The following SIDT2 variants were observed in gnomAD, a reference collection of about 807,000 sequenced individuals.
SIDT2 encodes the protein SID1 transmembrane family member 2.
SIDT2 carries 68 observed loss-of-function variants against 114.4 expected under a neutral mutation model. The ratio of observed to expected loss-of-function variants is 0.59; its 90% CI spans 0.49 to 0.73. The LOEUF is 0.73. Among genes scored for constraint, SIDT2 ranks in the 30% least tolerant of loss-of-function variants. The pLI, the probability that SIDT2 is intolerant of heterozygous loss-of-function variation, is 0.00. For synonymous variants in SIDT2, 470 were observed against 438.4 expected (o/e 1.07, Z -0.90); for missense variants, 918 against 1,097.1 (o/e 0.84, Z 2.31).
Position 117,179,345 on chromosome 11 carries a change from G to A in SIDT2, c.82G>A (p.Val28Ile). ...TCTGGGGGTTCTGGGGCCCAAGAAC[G>A]TCTCGCAGAAAGACGCCGAGTTTGA... ...SHLGVLGPKNVSQKDAEFERT... is the reference protein window; with the variant it reads ...SHLGVLGPKNISQKDAEFERT... Residue 28 changes from valine (V) to isoleucine (I), a missense_variant, in exon 1 of 26, where the codon GTC (valine) becomes ATC (isoleucine). This residue lies in a region of SIDT2 where 553 missense variants were observed against 600.1 expected (regional missense o/e 0.92). Transcript: ENST00000324225. The A allele has an allele frequency of 1.2e-6, 2 of 1,614,190 alleles. No homozygotes were observed. The highest frequency in any genetic ancestry group is 1.3e-5 in the African/African-American group (1 of 75,058).
rs1565288746 is a variant in SIDT2, at chr11:117,192,286, C to CGT, written c.1906_1907dup (p.Phe637SerfsTer101). ...GCAAAGGGAACACGGCGTTCTGGAT[C>CGT]GTCTTCTCCATCATTCACATCATCG... On this transcript the variant is annotated frameshift_variant, in exon 20 of 26. Coordinates refer to ENST00000324225, the MANE Select transcript of SIDT2 (RefSeq NM_001040455.2). LOFTEE classifies it high-confidence loss of function. This position sits in a 1 kb window ranked among gnomAD's most constrained non-coding sequence, Gnocchi z 5.9. 1 of 1,611,550 alleles carries CGT rather than the reference C, an allele frequency of 6.2e-7. No individual in the cohort carries two copies. The highest frequency in any genetic ancestry group is 1.1e-5 in the South Asian group (1 of 91,024).
chr11:117,192,079 T>A lies in SIDT2; in HGVS notation c.1872+65T>A. On this transcript the variant is annotated intron_variant, in intron 19 of 25. Coordinates refer to ENST00000324225, the MANE Select transcript of SIDT2 (RefSeq NM_001040455.2). This position sits in a 1 kb window ranked among gnomAD's most constrained non-coding sequence, Gnocchi z 5.9. ...AAAGGTGCACGTGCGTTCAGACACG[T>A]AGTGCACACCCTCCGCCACCTCCTG... The A allele has an allele frequency of 6.2e-7, 1 of 1,603,686 alleles. No homozygotes were observed. Among genetic ancestry groups the A allele is most frequent in the Non-Finnish European group, 8.5e-7 (1 of 1,173,008 alleles).
intron 18 of SIDT2, 34 bp from the exon 19 acceptor site, chr11:117,191,844 T>C: frequency 6.2e-7 from 1 of 1,607,648 alleles, no homozygotes; most frequent in South Asian, 1.1e-5. Flanking sequence ...TTGGTGGCCA[T>C]TTCTGCAGCT....
chr11:117,182,665 T>C, intron 5 of SIDT2, 45 bp downstream of exon 5: 1 of 1,614,098 alleles, frequency 6.2e-7, no homozygotes, highest in Non-Finnish European at 8.5e-7. Flanking sequence ...GCAGCAGGGC[T>C]GCTAAAGAGA....
At chr11:117,187,300 G>T in intron 10 of SIDT2, 78 bp from the exon 11 acceptor site, 1 of 1,405,518 alleles carries the variant, frequency 7.1e-7, no homozygotes, top group South Asian at 1.2e-5. Context: ...GTCTTCTCTG[G>T]ACCTTTCTTT....
chr11:117,179,390 GT>G lies in SIDT2; in HGVS notation c.128del (p.Val43AlafsTer15), dbSNP rs1486313374. 6.2e-7 allele frequency: 1 copy of G among 1,613,816 alleles called. No individual in the cohort carries two copies. Among genetic ancestry groups the G allele is most frequent in the Non-Finnish European group, 8.5e-7 (1 of 1,179,996 alleles). ...GTTTGAGCGCACCTACGTGGACGAG[GT>G]CAACAGCGAGCTGGTCAACATCTAC... ...AEFERTYVDE[V>X]NSELVNIYTF... On this transcript the variant is annotated frameshift_variant, in exon 1 of 26. Transcript: ENST00000324225. LOFTEE classifies it high-confidence loss of function.
At chr11:117,186,992 T>A (rs1453749442) in intron 10 of SIDT2, 1 of 1,453,532 alleles carries the variant, frequency 6.9e-7, no homozygotes, top group South Asian at 1.2e-5. Context: ...TCTCTTAGCT[T>A]CTCTCCTTGG....
Position 117,193,942 on chromosome 11 carries a change from C to T in SIDT2, c.2301C>T (p.Phe767=). Residue 767 remains phenylalanine (F), a synonymous_variant, in exon 24 of 26, where the codon TTC becomes TTT. Coordinates refer to ENST00000324225, the MANE Select transcript of SIDT2 (RefSeq NM_001040455.2). ...VVWGFALFFF[F]QGLSTWQKTP... is the part of the protein sequence containing the mutation. ...GGGGCTTCGCGCTCTTCTTCTTCTTCCAGGGACTCAGCACCTGGCAGGTGA... is the reference window on the plus strand; with the variant it reads ...GGGGCTTCGCGCTCTTCTTCTTCTTTCAGGGACTCAGCACCTGGCAGGTGA... The T allele has an allele frequency of 6.2e-7, 1 of 1,613,892 alleles. No individual in the cohort carries two copies. The highest frequency in any genetic ancestry group is 1.1e-5 in the South Asian group (1 of 91,082).
Position 117,188,575 on chromosome 11 carries a change from C to A in SIDT2, c.1160-133C>A. 1 of 686,408 alleles carries A rather than the reference C, an allele frequency of 1.5e-6. No individual in the cohort carries two copies. The highest frequency in any genetic ancestry group is 2.6e-6 in the Non-Finnish European group (1 of 379,740). 42.5% of individuals were successfully genotyped at this position (686,408 alleles called of 1,614,324 possible). ...CCCAGCTCCTGAGCCCACTTCCACC[C>A]CAACTCTGAGGCCCAGCCCACAATT... On this transcript the variant is annotated intron_variant, in intron 12 of 25. Coordinates refer to ENST00000324225, the MANE Select transcript of SIDT2 (RefSeq NM_001040455.2). This position sits in a 1 kb window ranked among gnomAD's most constrained non-coding sequence, Gnocchi z 4.0.
chr11:117,191,526 G>C (rs888422055), intron 18 of SIDT2: 4 of 230,980 alleles, frequency 1.7e-5, no homozygotes, highest in Non-Finnish European at 3.4e-5. Flanking sequence ...GGAGGTTGCA[G>C]TGAGCCGAGA....
Position 117,183,838 on chromosome 11 carries a change from A to G in SIDT2, c.762A>G (p.Gln254=). ...TGGTGGTGGTGAAGACCGAAGACCA[A>G]GCCTGCGGGGGCTCCCTGCCTTTCT... ...YVVVVVKTED[Q]ACGGSLPFYP... The change falls in exon 7 of 26, where the codon CAA becomes CAG. Residue 254 remains glutamine (Q), a synonymous_variant. Coordinates refer to ENST00000324225, the MANE Select transcript of SIDT2 (RefSeq NM_001040455.2). 6.2e-7 allele frequency: 1 copy of G among 1,614,084 alleles called. No homozygotes were observed. Among genetic ancestry groups the G allele is most frequent in the Middle Eastern group, 1.6e-4 (1 of 6,062 alleles).
chr11:117,188,965 G>A lies in SIDT2; in HGVS notation c.1278+139G>A. On this transcript the variant is annotated intron_variant, in intron 13 of 25. Transcript: ENST00000324225. This position sits in a 1 kb window ranked among gnomAD's most constrained non-coding sequence, Gnocchi z 4.0. ...TCAGCTGGGGCAGGGCAGATGCCGG[G>A]GAAACTAACCTGACCTCCAACCCCT... The A allele has an allele frequency of 9.7e-7, 1 of 1,035,262 alleles. No homozygotes were observed. Among genetic ancestry groups the A allele is most frequent in the East Asian group, 2.4e-5 (1 of 41,920 alleles). The allele number at this position is 1,035,262 out of a possible 1,614,324, so 64.1% of individuals were successfully genotyped here.
chr11:117,192,669 T>G lies in SIDT2; in HGVS notation c.2058+19T>G. 1 of 1,612,878 alleles carries G rather than the reference T, an allele frequency of 6.2e-7. No individual in the cohort carries two copies. The highest frequency in any genetic ancestry group is 8.5e-7 in the Non-Finnish European group (1 of 1,179,942). ...CTACGTGGTACCTGCCTGGTTCCCC[T>G]GCTCCATTCTCCACATCTCCTTTCT... On this transcript the variant is annotated intron_variant, in intron 21 of 25. Transcript: ENST00000324225. This position sits in a 1 kb window ranked among gnomAD's most constrained non-coding sequence, Gnocchi z 5.9.
intron 1 of SIDT2, among the ~76,000 whole-genome samples, chr11:117,180,830 G>C (rs529725602): frequency 7.2e-5 from 11 of 152,208 alleles, no homozygotes; most frequent in African/African-American, 2.4e-4. Flanking sequence ...GCACCCGGCT[G>C]TCATTTTATA....
At position 117,179,066 on chromosome 11, in the gene SIDT2, C is replaced by T. The variant is rs2030141441; in HGVS notation, c.-198C>T. 2 of 611,622 alleles carry T rather than the reference C, an allele frequency of 3.3e-6. No individual in the cohort carries two copies. The highest frequency in any genetic ancestry group is 2.1e-5 in the South Asian group (1 of 48,714). 37.9% of individuals were successfully genotyped at this position (611,622 alleles called of 1,614,324 possible). On this transcript the variant is annotated 5_prime_UTR_variant, in exon 1 of 26. Transcript: ENST00000324225. ...CCTCCCCGCCCCCTCCCGGCCGCCC[C>T]CTCCCCTGCGGGGACCCTGGGAGCC... is the stretch of plus-strand genomic sequence containing the variant.
Position 117,181,817 on chromosome 11 carries a change from A to C in SIDT2, c.316A>C (p.Lys106Gln). The C allele has an allele frequency of 6.2e-7, 1 of 1,614,112 alleles. No individual in the cohort carries two copies. The change falls in exon 3 of 26, where the codon AAG becomes CAG. Residue 106 changes from lysine to glutamine, a missense_variant. Lys to Gln is a moderately conservative substitution (Grantham distance 53). Transcript: ENST00000324225. ...TGCTTCGGGCCATAGGTTTCAGCGC[A>C]AGTACCTCTACCAAAAAGTGGAACG... The part of the protein sequence containing the change: ...PLILRGMFQR[K>Q]YLYQKVERTL...
intron 12 of SIDT2, chr11:117,187,968 G>A (rs773556613): frequency 6.1e-6 from 4 of 652,278 alleles, no homozygotes; most frequent in South Asian, 6.0e-5. Context: ...GACCTGGGGT[G>A]GGGGTAGGGC....
In SIDT2 at chr11:117,192,777, C is replaced by T. The variant is rs2030750734; in HGVS notation, c.2059-43C>T. On this transcript the variant is annotated intron_variant, in intron 21 of 25. Transcript: ENST00000324225. This position sits in a 1 kb window ranked among gnomAD's most constrained non-coding sequence, Gnocchi z 5.9. ...TGGCTGGGCCTTCTTCCACCACCCT[C>T]CCTGCCCCTGCCCTCAGTCCCTGTG... 6.2e-6 allele frequency: 10 copies of T among 1,613,644 alleles called. No individual in the cohort carries two copies. Among genetic ancestry groups the T allele is most frequent in the Non-Finnish European group, 7.6e-6 (9 of 1,179,672 alleles).
chr11:117,193,055 C>A, intron 22 of SIDT2, 98 bp from the exon 23 acceptor site: 2 of 1,406,104 alleles, frequency 1.4e-6, no homozygotes, highest in South Asian at 1.2e-5. Flanking sequence ...CTTCTGAACA[C>A]AGCCCAACAT....
Sources: gnomAD v4.1 joint callset for allele counts (sites outside exome capture counted in the v4.1 genomes callset) on GRCh38, gnomAD v4.1.1 for gene constraint, gnomAD v4.1.1 regional missense constraint, Gnocchi (gnomAD v3.1) non-coding constraint, MANE v1.5 for transcripts, NCBI Gene and HGNC (gene_info 2026-07-23, HGNC 2026-07-21) for gene names.